MALRD1: variants seen among roughly 807,000 people sequenced by gnomAD.
MALRD1 encodes MAM and LDL-receptor class A domain-containing protein 1.
In MALRD1, 247 loss-of-function variants were observed where a neutral mutation model predicts 242.1. The ratio of observed to expected loss-of-function variants is 1.02; its 90% CI spans 0.92 to 1.13. MALRD1 has a LOEUF of 1.13. Among genes scored for constraint, MALRD1 ranks in the 50% most tolerant of loss-of-function variants. The pLI, the probability that MALRD1 is intolerant of heterozygous loss-of-function variation, is 0.00. For missense variants in MALRD1, 2,989 were observed against 2,533.1 expected, an observed-to-expected ratio of 1.18 and a Z score of -3.86; for synonymous variants, 995 against 866.6, an observed-to-expected ratio of 1.15 and a Z score of -2.60.
chr10:19,081,547 A>C (rs1348552378), intron 2 of MALRD1, among the ~76,000 whole-genome samples: 1 of 152,098 alleles, frequency 6.6e-6, no homozygotes, highest in Non-Finnish European at 1.5e-5. Flanking sequence ...TCTCACTTAT[A>C]AGTGGGAACT....
intron 33 of MALRD1, among the ~76,000 whole-genome samples, chr10:19,575,483 TCACACACA>T (rs66882231): frequency 4.0e-4 from 59 of 148,560 alleles, no homozygotes; most frequent in African/African-American, 5.9e-4. Context: ...AGGCCATGGT[TCACACACA>T]CACACACACA....
At chr10:19,271,934 C>T (rs1840268438) in intron 19 of MALRD1, among the ~76,000 whole-genome samples, 1 of 151,938 alleles carries the variant, frequency 6.6e-6, no homozygotes, top group Non-Finnish European at 1.5e-5. Flanking sequence ...TTAGAATCAG[C>T]AAGAAAAACA....
At chr10:19,361,991 A>G (rs1418645851) in intron 26 of MALRD1, among the ~76,000 whole-genome samples, 2 of 152,078 alleles carry the variant, frequency 1.3e-5, no homozygotes, top group Non-Finnish European at 2.9e-5. Flanking sequence ...GGACCCTTCC[A>G]GGCTTGGTTT....
intron 22 of MALRD1, among the ~76,000 whole-genome samples, chr10:19,327,231 A>G (rs573164380): frequency 6.6e-6 from 1 of 152,084 alleles, no homozygotes; most frequent in African/African-American, 2.4e-5. Flanking sequence ...CCACATGAAT[A>G]TTATTTAATA....
At chr10:19,263,542 C>T (rs12356390) in intron 19 of MALRD1, among the ~76,000 whole-genome samples, 20,244 of 151,774 alleles carry the variant, frequency 0.13, 1,692 homozygotes, top group Admixed American at 0.27. Context: ...AAGTTTCTTA[C>T]GTAGTTTGAT....
chr10:19,085,814 G>A (rs189386891), intron 2 of MALRD1, among the ~76,000 whole-genome samples: 56 of 151,806 alleles, frequency 3.7e-4, no homozygotes, highest in Non-Finnish European at 5.3e-4. Context: ...AGGTAATATC[G>A]TTGACAAATA....
intron 5 of MALRD1, among the ~76,000 whole-genome samples, chr10:19,114,354 G>A (rs376766403): frequency 4.6e-5 from 7 of 152,256 alleles, no homozygotes; most frequent in South Asian, 2.1e-4. Flanking sequence ...TAACATAGCC[G>A]TCTTGTGGTA....
In MALRD1 at chr10:19,312,378, GTA is replaced by G. The variant is rs112120220; in HGVS notation, c.3420-11549_3420-11548del. 4.1e-3 allele frequency among the ~76,000 whole-genome samples: 568 copies of G among 137,488 alleles called. 3 individuals carry two copies. The highest frequency in any genetic ancestry group is 0.032 in the South Asian group (139 of 4,332). The allele number at this position is 137,488 out of a possible 152,430, so 90.2% of individuals were successfully genotyped here. On this transcript the variant is annotated intron_variant, in intron 21 of 39. Coordinates refer to ENST00000454679, the MANE Select transcript of MALRD1 (RefSeq NM_001142308.3). ...TTCAGTACAGGGCACAGAGGAATGTGTATATATATATATATATATATATGTGT... is the reference window on the plus strand; with the variant it reads ...TTCAGTACAGGGCACAGAGGAATGTGTATATATATATATATATATATGTGT...
At chr10:19,176,991 G>T (rs1254206565) in intron 14 of MALRD1, among the ~76,000 whole-genome samples, 2 of 151,772 alleles carry the variant, frequency 1.3e-5, no homozygotes, top group Admixed American at 6.6e-5. Flanking sequence ...AGATTCATGA[G>T]TTTGGCCAGG....
intron 23 of MALRD1, among the ~76,000 whole-genome samples, 171 bp downstream of exon 23, chr10:19,327,844 A>G (rs1358901735): frequency 1.3e-5 from 2 of 152,130 alleles, no homozygotes; most frequent in Non-Finnish European, 2.9e-5. Context: ...TAAGGGATTG[A>G]CAACTTCAGA....
chr10:19,236,658 A>C (rs988878817), intron 18 of MALRD1, among the ~76,000 whole-genome samples: 2 of 152,286 alleles, frequency 1.3e-5, no homozygotes, highest in Admixed American at 1.3e-4. Flanking sequence ...CCATTTCAAA[A>C]GCACATAAAA....
At chr10:19,216,954 A>AAT (rs1554813106) in intron 18 of MALRD1, among the ~76,000 whole-genome samples, 33 of 123,636 alleles carry the variant, frequency 2.7e-4, no homozygotes, top group East Asian at 1.6e-3. Flanking sequence ...TCAAAAAAAA[A>AAT]AAAATAAAAA....
At chr10:19,172,982 A>C (rs754470315) in intron 13 of MALRD1, among the ~76,000 whole-genome samples, 2 of 152,042 alleles carry the variant, frequency 1.3e-5, no homozygotes, top group Non-Finnish European at 2.9e-5. Context: ...GATTCTACAG[A>C]AATCATCTCT....
intron 36 of MALRD1, among the ~76,000 whole-genome samples, chr10:19,631,150 G>T (rs982212186): frequency 1.3e-5 from 2 of 151,984 alleles, no homozygotes. Flanking sequence ...CTCCCAACCT[G>T]CACCTTCAAG....
intron 14 of MALRD1, among the ~76,000 whole-genome samples, chr10:19,201,105 T>C (rs1474492781): frequency 6.6e-6 from 1 of 152,178 alleles, no homozygotes; most frequent in Non-Finnish European, 1.5e-5. Context: ...ATCTCAATTT[T>C]TAAAACATAT....
chr10:19,191,957 G>A (rs1336126801), intron 14 of MALRD1, among the ~76,000 whole-genome samples: 4 of 151,916 alleles, frequency 2.6e-5, no homozygotes, highest in Admixed American at 1.3e-4. Flanking sequence ...GAAATCGCTC[G>A]TGCCACTGCA....
At chr10:19,427,245 T>C (rs1320739506) in intron 28 of MALRD1, among the ~76,000 whole-genome samples, 1 of 152,196 alleles carries the variant, frequency 6.6e-6, no homozygotes, top group Non-Finnish European at 1.5e-5. Flanking sequence ...TCATGGGCAT[T>C]TGGGTCTCAG....
At chr10:19,521,607 A>T (rs1833889088) in intron 31 of MALRD1, among the ~76,000 whole-genome samples, 1 of 152,158 alleles carries the variant, frequency 6.6e-6, no homozygotes, top group Non-Finnish European at 1.5e-5. Flanking sequence ...TGATCTAGAT[A>T]GTGTAAAGAT....
intron 28 of MALRD1, among the ~76,000 whole-genome samples, chr10:19,419,651 T>G (rs1028873037): frequency 6.6e-6 from 1 of 152,114 alleles, no homozygotes; most frequent in African/African-American, 2.4e-5. Context: ...AAAAATCCTT[T>G]TACTCGTCAA....
Sources: gnomAD v4.1 joint callset for allele counts (sites outside exome capture counted in the v4.1 genomes callset) on GRCh38, gnomAD v4.1.1 for gene constraint, MANE v1.5 for transcripts, NCBI Gene and HGNC (gene_info 2026-07-23, HGNC 2026-07-21) for gene names.